Variants in SLC15A2 observed in about 807,000 individuals in gnomAD.
The protein encoded by SLC15A2 is kidney H(+)/peptide cotransporter.
In SLC15A2, 77 loss-of-function variants were observed where a neutral mutation model predicts 95.5. The ratio of observed to expected loss-of-function variants is 0.81; its 90% confidence interval spans 0.67 to 0.97. The LOEUF is 0.97. Ranked by LOEUF, SLC15A2 falls within the 50% of genes least tolerant of loss-of-function variation. The pLI is 0.00. For synonymous variants in SLC15A2, 306 were observed against 306.9 expected, an observed-to-expected ratio of 1.00 and a Z score of 0.03; for missense variants, 893 against 874.4, an observed-to-expected ratio of 1.02 and a Z score of -0.27.
chr3:121,908,037 C>A (rs1413746176), intron 3 of SLC15A2, among the ~76,000 whole-genome samples: 3 of 152,232 alleles, frequency 2.0e-5, no homozygotes, highest in Non-Finnish European at 4.4e-5. Flanking sequence ...GGGCTCTGCC[C>A]AGTTCAAGCT....
In SLC15A2 at chr3:121,940,934, G is replaced by A. The variant is rs780069098; in HGVS notation, c.2117G>A (p.Gly706Asp). The change falls in exon 22 of 22, where the codon GGT (glycine) becomes GAT (aspartate). Residue 706 changes from glycine (G) to aspartate (D), a missense_variant. By Grantham distance (94) the Gly-to-Asp change is moderately conservative (BLOSUM62 -1). Coordinates refer to ENST00000489711, the MANE Select transcript of SLC15A2 (RefSeq NM_021082.4). ...CCTGTAAAGACAGAGGATATGCGGG[G>A]TCCAGCAGATAAGCACATTCCTCAC... ...YVPVKTEDMR[G>D]PADKHIPHIQ... 3 of 1,614,030 alleles carry A rather than the reference G, an allele frequency of 1.9e-6. No individual in the cohort carries two copies. The highest frequency in any genetic ancestry group is 2.5e-6 in the Non-Finnish European group (3 of 1,180,010).
At chr3:121,936,604 T>TC (rs879822895) in intron 19 of SLC15A2, among the ~76,000 whole-genome samples, 59 of 149,746 alleles carry the variant, frequency 3.9e-4, no homozygotes, top group South Asian at 1.5e-3. Context: ...ATTTTTTTTT[T>TC]TCCATTTGCT....
In SLC15A2 at chr3:121,940,881, C is replaced by T. The variant is rs138403352; in HGVS notation, c.2064C>T (p.Ile688=). ...GCCTCCTGCTGGTGATCTGCCTGAT[C>T]TTCTCCATCATGGGCTACTACTATG... is the stretch of plus-strand genomic sequence containing the variant. ...FSCLLLVICL[I]FSIMGYYYVP... is the part of the protein sequence containing the mutation. The change falls in exon 22 of 22, where the codon ATC becomes ATT. Residue 688 remains isoleucine, a synonymous_variant. Coordinates refer to ENST00000489711, the MANE Select transcript of SLC15A2 (RefSeq NM_021082.4). 43 of 1,614,076 alleles carry T rather than the reference C, an allele frequency of 2.7e-5. No homozygotes were observed. In the African/African-American group the frequency reaches 5.7e-4, roughly 22 times the overall value.
intron 19 of SLC15A2, among the ~76,000 whole-genome samples, chr3:121,934,998 C>T (rs934650471): frequency 2.0e-5 from 3 of 151,856 alleles, no homozygotes; most frequent in Non-Finnish European, 4.4e-5. Context: ...TGTCAAAGGC[C>T]TTTTCTGCAT....
chr3:121,906,632 G>A (rs1405295510), intron 3 of SLC15A2, among the ~76,000 whole-genome samples: 1 of 152,134 alleles, frequency 6.6e-6, no homozygotes, highest in Non-Finnish European at 1.5e-5. Flanking sequence ...TAGTTTGGCT[G>A]GATATGAAAT....
rs761765525 is a variant in SLC15A2 at position 121,897,370 on chromosome 3, T to C, written c.194-18T>C. The C allele has an allele frequency of 3.7e-6, 6 of 1,602,190 alleles. No homozygotes were observed. The highest frequency in any genetic ancestry group is 1.7e-5 in the Admixed American group (1 of 58,412). On this transcript the variant is annotated intron_variant, in intron 2 of 21. Transcript: ENST00000489711. The stretch of plus-strand genomic sequence containing the variant: ...TCTTGTTTTGTCTCCCCACGCCTCC[T>C]TTTTTTTCCCACTACAGCTGTGCTG...
intron 4 of SLC15A2, 86 bp from the exon 5 acceptor site, chr3:121,912,935 A>AT: frequency 2.2e-6 from 2 of 900,560 alleles, no homozygotes; most frequent in South Asian, 1.6e-5. Flanking sequence ...CCTTGTACAC[A>AT]TTTTTTCCCC....
In SLC15A2 at chr3:121,928,496, G is replaced by C. The variant is rs763971553; in HGVS notation, c.1282G>C (p.Val428Leu). 1 of 1,613,998 alleles carries C rather than the reference G, an allele frequency of 6.2e-7. No homozygotes were observed. The highest frequency in any genetic ancestry group is 2.2e-5 in the East Asian group (1 of 44,890). Residue 428 changes from valine (V) to leucine (L), a missense_variant, in exon 15 of 22, where the codon GTG (valine) becomes CTG (leucine). Coordinates refer to ENST00000489711, the MANE Select transcript of SLC15A2 (RefSeq NM_021082.4). ...GAATCTGGCAGATGATGAGGTGAAG[G>C]TGACAGTGGTGGGAAATGAAAACAA... is the stretch of plus-strand genomic sequence containing the variant. ...VLNLADDEVK[V>L]TVVGNENNSL...
At chr3:121,900,628 T>C (rs1368424072) in intron 3 of SLC15A2, among the ~76,000 whole-genome samples, 1 of 152,208 alleles carries the variant, frequency 6.6e-6, no homozygotes, top group Non-Finnish European at 1.5e-5. Flanking sequence ...CTAATATTTC[T>C]GTAATCATAT....
chr3:121,937,837 T>C (rs371580179), intron 19 of SLC15A2, among the ~76,000 whole-genome samples: 2 of 152,034 alleles, frequency 1.3e-5, no homozygotes, highest in Admixed American at 1.3e-4. Flanking sequence ...GGAGGAGAGG[T>C]GCTCTGCTTT....
At chr3:121,910,192 CTT>C (rs35492489) in intron 3 of SLC15A2, among the ~76,000 whole-genome samples, 1 of 126,988 alleles carries the variant, frequency 7.9e-6, no homozygotes, top group African/African-American at 2.9e-5. Flanking sequence ...AGTCACCTAA[CTT>C]TTTTTTTTTT....
At chr3:121,909,869 A>G (rs1039822860) in intron 3 of SLC15A2, among the ~76,000 whole-genome samples, 2 of 152,046 alleles carry the variant, frequency 1.3e-5, no homozygotes, top group African/African-American at 2.4e-5. Context: ...GTGTGGCCCA[A>G]GACAATATAT....
intron 3 of SLC15A2, among the ~76,000 whole-genome samples, chr3:121,900,455 A>C (rs1056939231): frequency 2.0e-5 from 3 of 152,170 alleles, no homozygotes; most frequent in African/African-American, 7.2e-5. Context: ...TGCTACTGCC[A>C]AATTAATTTT....
chr3:121,941,044 C>T lies in SLC15A2; in HGVS notation c.*37C>T. 2 of 1,583,654 alleles carry T rather than the reference C, an allele frequency of 1.3e-6. No homozygotes were observed. The highest frequency in any genetic ancestry group is 1.7e-6 in the Non-Finnish European group (2 of 1,165,920). On this transcript the variant is annotated 3_prime_UTR_variant, in exon 22 of 22. Coordinates refer to ENST00000489711, the MANE Select transcript of SLC15A2 (RefSeq NM_021082.4). ...ATTCTGTCCTGACCCCAATTCCTGGCCCTGTCTTGAAGCATTTTTTTTCTT... is the reference window on the plus strand; with the variant it reads ...ATTCTGTCCTGACCCCAATTCCTGGTCCTGTCTTGAAGCATTTTTTTTCTT...
rs1216174070 is a variant in SLC15A2, at chr3:121,915,651, T to A, written c.655T>A (p.Leu219Met). Residue 219 changes from leucine (L) to methionine (M), a missense_variant, in exon 7 of 22, where the codon TTG becomes ATG. Transcript: ENST00000489711. The part of the protein sequence containing the change: ...VQCFGEDCYA[L>M]AFGVPGLLMV... The stretch of plus-strand genomic sequence containing the variant: ...ATGTTTTGGAGAAGACTGCTATGCA[T>A]TGGCTTTTGGAGTTCCAGGACTGCT... 4 of 1,613,970 alleles carry A rather than the reference T, an allele frequency of 2.5e-6. No individual in the cohort carries two copies. The highest frequency in any genetic ancestry group is 3.4e-6 in the Non-Finnish European group (4 of 1,179,960).
chr3:121,905,024 A>G (rs750776617), intron 3 of SLC15A2, among the ~76,000 whole-genome samples: 4 of 152,188 alleles, frequency 2.6e-5, no homozygotes, highest in Non-Finnish European at 2.9e-5. Context: ...CCTCAGTTTC[A>G]GAACCTGTTA....
rs1486599388 is a variant in SLC15A2, at chr3:121,939,495, GGT to G, written c.1908+1_1908+2del. Reference sequence around the variant, plus strand: ...CAGGTCTTGAGTTTTCTTATTCTCAGGTAAGTTTTTGCAAATAGAAGGTAGAA... The same window carrying G: ...CAGGTCTTGAGTTTTCTTATTCTCAGAAGTTTTTGCAAATAGAAGGTAGAA... On this transcript the variant is annotated splice_donor_variant, in intron 20 of 21. Coordinates refer to ENST00000489711, the MANE Select transcript of SLC15A2 (RefSeq NM_021082.4). LOFTEE classifies it high-confidence loss of function. 5.4e-6 allele frequency: 8 copies of G among 1,491,334 alleles called. No individual in the cohort carries two copies. Among genetic ancestry groups the G allele is most frequent in the Non-Finnish European group, 7.1e-6 (8 of 1,119,868 alleles). The allele number at this position is 1,491,334 out of a possible 1,614,324, so 92.4% of individuals were successfully genotyped here. A position where few individuals can be genotyped will look rare whatever the true frequency, so the allele number is the denominator to read the frequency against.
chr3:121,894,512 T>G lies in SLC15A2; in HGVS notation c.36T>G (p.Thr12=). The G allele has an allele frequency of 6.2e-7, 1 of 1,613,626 alleles. No individual in the cohort carries two copies. The highest frequency in any genetic ancestry group is 8.5e-7 in the Non-Finnish European group (1 of 1,179,760). The change falls in exon 1 of 22, where the codon ACT becomes ACG. Residue 12 remains threonine, a synonymous_variant. Transcript: ENST00000489711. The stretch of plus-strand genomic sequence containing the variant: ...TCCAGAAAAATGAGTCCAAGGAAAC[T>G]CTTTTTTCACCTGTCTCCATTGAAG... ...NPFQKNESKE[T]LFSPVSIEEV...
chr3:121,922,767 T>G lies in SLC15A2; in HGVS notation c.781-8T>G. The stretch of plus-strand genomic sequence containing the variant: ...TGTCTCTCCCATGATGTCTACTCTC[T>G]GCCCTAGTTTGCTATTTCCAATCGT... On this transcript the variant is annotated splice_polypyrimidine_tract_variant and splice_region_variant and intron_variant, in intron 8 of 21. Coordinates refer to ENST00000489711, the MANE Select transcript of SLC15A2 (RefSeq NM_021082.4). 1 of 1,610,438 alleles carries G rather than the reference T, an allele frequency of 6.2e-7. No individual in the cohort carries two copies. Among genetic ancestry groups the G allele is most frequent in the Non-Finnish European group, 8.5e-7 (1 of 1,176,992 alleles).
Sources: gnomAD v4.1 joint callset for allele counts (sites outside exome capture counted in the v4.1 genomes callset) on GRCh38, gnomAD v4.1.1 for gene constraint, MANE v1.5 for transcripts, NCBI Gene and HGNC (gene_info 2026-07-23, HGNC 2026-07-21) for gene names.